The following MACROD2 variants were observed in gnomAD, a reference collection of about 807,000 sequenced individuals.
MACROD2 encodes the protein mono-ADP ribosylhydrolase 2.
In MACROD2, 36 loss-of-function variants were observed where a neutral mutation model predicts 70.4. The ratio of observed to expected loss-of-function variants is 0.51; its 90% CI spans 0.39 to 0.68. The LOEUF is 0.68. MACROD2 is among the 30% of genes least tolerant of loss of function. MACROD2 has a pLI of 0.00. For synonymous variants in MACROD2, 172 were observed against 178.8 expected, an observed-to-expected ratio of 0.96 and a Z score of 0.30; for missense variants, 496 against 538.4, an observed-to-expected ratio of 0.92 and a Z score of 0.78.
chr20:14,309,192 G>C (rs1187766676), intron 3 of MACROD2, among the ~76,000 whole-genome samples: 1 of 152,006 alleles, frequency 6.6e-6, no homozygotes, highest in African/African-American at 2.4e-5. Flanking sequence ...AATAAAATGA[G>C]GATTACCCAA....
intron 5 of MACROD2, among the ~76,000 whole-genome samples, chr20:14,914,522 G>A (rs1275534515): frequency 1.3e-5 from 2 of 152,162 alleles, no homozygotes; most frequent in East Asian, 1.9e-4. Context: ...TCCCAAGAAG[G>A]AAGACTTTGC....
At chr20:15,455,760 T>C (rs540116372) in intron 7 of MACROD2, among the ~76,000 whole-genome samples, 1 of 152,246 alleles carries the variant, frequency 6.6e-6, no homozygotes, top group African/African-American at 2.4e-5. Flanking sequence ...TACCCATTTT[T>C]CTTTCTATTG....
At chr20:14,910,128 T>C (rs185468460) in intron 5 of MACROD2, among the ~76,000 whole-genome samples, 4 of 152,354 alleles carry the variant, frequency 2.6e-5, no homozygotes, top group Non-Finnish European at 5.9e-5. Flanking sequence ...GACTTCAGAA[T>C]TCATTTAGTC....
intron 5 of MACROD2, among the ~76,000 whole-genome samples, chr20:15,062,001 A>G (rs1196482596): frequency 6.6e-6 from 1 of 152,184 alleles, no homozygotes; most frequent in African/African-American, 2.4e-5. Context: ...AGAGGAGAGC[A>G]GGCAGCTTGT....
At chr20:14,764,276 C>T (rs957463373) in intron 5 of MACROD2, among the ~76,000 whole-genome samples, 4 of 152,210 alleles carry the variant, frequency 2.6e-5, no homozygotes, top group African/African-American at 7.2e-5. Flanking sequence ...ATGGAGCCAG[C>T]ACTCCCAAGC....
intron 4 of MACROD2, among the ~76,000 whole-genome samples, chr20:14,607,200 G>T (rs58799201): frequency 0.035 from 5,307 of 152,174 alleles, 310 homozygotes; most frequent in African/African-American, 0.12. Flanking sequence ...GTCAATAGGG[G>T]TTCTAACATC....
intron 4 of MACROD2, among the ~76,000 whole-genome samples, chr20:14,558,103 T>C (rs908022991): frequency 2.0e-5 from 3 of 151,740 alleles, no homozygotes; most frequent in African/African-American, 7.2e-5. Context: ...AAAAAAAAGC[T>C]AGTCATAAAA....
chr20:14,868,771 A>G (rs1020147835), intron 5 of MACROD2, among the ~76,000 whole-genome samples: 24 of 152,268 alleles, frequency 1.6e-4, no homozygotes, highest in African/African-American at 5.1e-4. Flanking sequence ...AGTAAACATC[A>G]TGGTTACAGG....
chr20:14,717,157 C>A (rs1192844256), intron 5 of MACROD2, among the ~76,000 whole-genome samples: 2 of 151,956 alleles, frequency 1.3e-5, no homozygotes, highest in Non-Finnish European at 2.9e-5. Context: ...AACACTGAAA[C>A]ATAATAGTTA....
At chr20:15,974,970 T>C (rs2066284129) in intron 13 of MACROD2, among the ~76,000 whole-genome samples, 1 of 151,780 alleles carries the variant, frequency 6.6e-6, no homozygotes, top group Non-Finnish European at 1.5e-5. Flanking sequence ...AAATTAAAAA[T>C]GAAAACTAGT....
intron 5 of MACROD2, among the ~76,000 whole-genome samples, chr20:15,045,566 C>T (rs1479115771): frequency 6.6e-6 from 1 of 152,072 alleles, no homozygotes; most frequent in Non-Finnish European, 1.5e-5. Context: ...ATTCCTAAAT[C>T]ATGATTTGAT....
chr20:15,206,883 C>A (rs1025967780), intron 5 of MACROD2, among the ~76,000 whole-genome samples: 1 of 150,752 alleles, frequency 6.6e-6, no homozygotes, highest in African/African-American at 2.4e-5. Context: ...ACTACAGGCG[C>A]CCGCCACCGC....
chr20:14,977,757 GA>G (rs1038723969), intron 5 of MACROD2, among the ~76,000 whole-genome samples: 2 of 152,162 alleles, frequency 1.3e-5, no homozygotes, highest in African/African-American at 4.8e-5. Context: ...TAAAAGGGAA[GA>G]TGAGGAAGGA....
intron 3 of MACROD2, among the ~76,000 whole-genome samples, chr20:14,108,228 G>A (rs527517567): frequency 1.3e-5 from 2 of 151,082 alleles, no homozygotes; most frequent in African/African-American, 2.4e-5. Flanking sequence ...CACGCCTCAC[G>A]GTAACTTCAA....
At chr20:15,870,551 T>C (rs2064565942) in intron 9 of MACROD2, among the ~76,000 whole-genome samples, 1 of 152,050 alleles carries the variant, frequency 6.6e-6, no homozygotes, top group Admixed American at 6.6e-5. Flanking sequence ...ATGGGAGGGA[T>C]TGGTGTCATT....
At chr20:15,316,910 T>C (rs1037977907) in intron 6 of MACROD2, among the ~76,000 whole-genome samples, 1 of 151,856 alleles carries the variant, frequency 6.6e-6, no homozygotes, top group Non-Finnish European at 1.5e-5. Context: ...TACTGGAAAG[T>C]CCACAAATAT....
chr20:15,600,772 T>C (rs1188361241), intron 8 of MACROD2, among the ~76,000 whole-genome samples: 1 of 152,150 alleles, frequency 6.6e-6, no homozygotes, highest in Non-Finnish European at 1.5e-5. Context: ...GAGAATATGC[T>C]GATATCTGCA....
At chr20:14,901,389 C>T (rs916071321) in intron 5 of MACROD2, among the ~76,000 whole-genome samples, 1 of 152,014 alleles carries the variant, frequency 6.6e-6, no homozygotes, top group Non-Finnish European at 1.5e-5. Context: ...AACATCCTAG[C>T]TGTTTTCAAG....
chr20:15,496,776 G>A (rs1349732682), intron 7 of MACROD2, among the ~76,000 whole-genome samples: 1 of 152,192 alleles, frequency 6.6e-6, no homozygotes, highest in Non-Finnish European at 1.5e-5. Flanking sequence ...TAAGGTGCCT[G>A]TGTTTATTCT....
Sources: gnomAD v4.1 joint callset for allele counts (sites outside exome capture counted in the v4.1 genomes callset) on GRCh38, gnomAD v4.1.1 for gene constraint, MANE v1.5 for transcripts, NCBI Gene and HGNC (gene_info 2026-07-23, HGNC 2026-07-21) for gene names.